Variants in MINAR1 observed in about 807,000 individuals in gnomAD.
MINAR1 encodes membrane integral NOTCH2 associated receptor 1, also known as major intrinsically disordered Notch2-binding receptor 1.
MINAR1 carries 40 observed loss-of-function variants against 65.1 expected under a neutral mutation model. That is an observed-to-expected ratio of 0.61 (90% confidence interval 0.48 to 0.80). The LOEUF is 0.80. Among genes scored for constraint, MINAR1 ranks in the 30% least tolerant of loss-of-function variants. The pLI is 0.00. For synonymous variants in MINAR1, 482 were observed against 449.1 expected, an observed-to-expected ratio of 1.07 and a Z score of -0.93; for missense variants, 1,128 against 1,148.0, an observed-to-expected ratio of 0.98 and a Z score of 0.25.
chr15:79,464,632 G>GTC (rs1895772700), intron 3 of MINAR1, among the ~76,000 whole-genome samples: 9 of 152,200 alleles, frequency 5.9e-5, no homozygotes, highest in Admixed American at 5.9e-4. Flanking sequence ...AAAAGAAAAT[G>GTC]ATTGCAATGA....
At chr15:79,456,069 T>C (rs1895399987) in intron 1 of MINAR1, 29 bp from the exon 2 acceptor site, 1 of 1,420,104 alleles carries the variant, frequency 7.0e-7, no homozygotes, top group Admixed American at 2.0e-5. Flanking sequence ...CCTCTTTTCC[T>C]CCTCTCTTTC....
the MINAR1 span, chr15:79,411,879 T>C: frequency 4.9e-6 from 1 of 204,818 alleles, no homozygotes; most frequent in South Asian, 9.8e-5. Context: ...TGGCAGACTT[T>C]AACCCTAGGG....
At chr15:79,431,256 C>T (rs748469106), upstream of MINAR1, among the ~76,000 whole-genome samples, 23 of 152,168 alleles carry the variant, frequency 1.5e-4, no homozygotes, top group Admixed American at 1.2e-3. Flanking sequence ...CTATGATTCC[C>T]TCCCTCACCC....
At chr15:79,465,357 C>T (rs2141306012) in intron 3 of MINAR1, among the ~76,000 whole-genome samples, 1 of 152,258 alleles carries the variant, frequency 6.6e-6, no homozygotes, top group Non-Finnish European at 1.5e-5. Context: ...TTGAGATATA[C>T]ATTCACCATC....
chr15:79,463,442 C>A (rs1895726255), intron 3 of MINAR1, 121 bp downstream of exon 3: 3 of 1,144,432 alleles, frequency 2.6e-6, no homozygotes, highest in Non-Finnish European at 3.7e-6. Context: ...CTCCCTGGGC[C>A]CCCAACATGG....
At position 79,468,493 on chromosome 15, in the gene MINAR1, G is replaced by T; in HGVS notation, c.*109G>T. ...TTTGTTGAAATGGAGATGAAATCATGGAGGCATTTCTACAAATGTTGAATG... is the reference window on the plus strand; with the variant it reads ...TTTGTTGAAATGGAGATGAAATCATTGAGGCATTTCTACAAATGTTGAATG... On this transcript the variant is annotated 3_prime_UTR_variant, in exon 4 of 4. Transcript: ENST00000305428. 2 of 986,572 alleles carry T rather than the reference G, an allele frequency of 2.0e-6. No homozygotes were observed. The allele number at this position is 986,572 out of a possible 1,614,324, so 61.1% of individuals were successfully genotyped here.
the MINAR1 span, chr15:79,413,168 C>G: frequency 6.6e-6 from 1 of 152,354 alleles, no homozygotes; most frequent in Non-Finnish European, 1.5e-5. Context: ...AGAGTACCTT[C>G]TTTCTCCAAA....
In MINAR1 at chr15:79,442,942, C is replaced by T. The variant is rs550188710; in HGVS notation, c.-51+10402C>T. Among the ~76,000 whole-genome samples, 83 of 152,160 alleles carry T rather than the reference C, an allele frequency of 5.5e-4. 1 individual carries two copies. Among genetic ancestry groups the T allele is most frequent in the South Asian group, 1.0e-3 (5 of 4,790 alleles). ...GAAAAGAATATGATATAGTTCAAGTCCCACCTGCCACTTGTTTTGTTTTAA... is the reference window on the plus strand; with the variant it reads ...GAAAAGAATATGATATAGTTCAAGTTCCACCTGCCACTTGTTTTGTTTTAA... On this transcript the variant is annotated intron_variant, in intron 1 of 3. Transcript: ENST00000305428.
Position 79,458,434 on chromosome 15 carries a change from A to G in MINAR1, c.2287A>G (p.Lys763Glu). 1 of 1,610,230 alleles carries G rather than the reference A, an allele frequency of 6.2e-7. No homozygotes were observed. The highest frequency in any genetic ancestry group is 8.5e-7 in the Non-Finnish European group (1 of 1,177,790). The part of the protein sequence containing the change: ...GPGDNKDWHR[K>E]SKEADRQYDI... ...AGGAGATAATAAAGACTGGCATCGG[A>G]AATCTAAAGAGGTAATTTAAATTTA... The change falls in exon 2 of 4, where the codon AAA becomes GAA. Residue 763 changes from lysine to glutamate, a missense_variant. By Grantham distance (56) the Lys-to-Glu change is moderately conservative. Coordinates refer to ENST00000305428, the MANE Select transcript of MINAR1 (RefSeq NM_015206.3).
At chr15:79,434,950 A>G (rs1032971085) in intron 1 of MINAR1, among the ~76,000 whole-genome samples, 4 of 152,174 alleles carry the variant, frequency 2.6e-5, no homozygotes, top group Non-Finnish European at 5.9e-5. Context: ...TTCTCTCTCG[A>G]AGAGTAGAAC....
At chr15:79,419,886 A>G in the MINAR1 span, 1 of 152,208 alleles carries the variant, frequency 6.6e-6, no homozygotes, top group Non-Finnish European at 1.5e-5. Flanking sequence ...AGAAGAAGAG[A>G]ATAGAAAGAA....
At chr15:79,427,468 T>C (rs1595921834), upstream of MINAR1, 1 of 152,198 alleles carries the variant, frequency 6.6e-6, no homozygotes, top group Non-Finnish European at 1.5e-5. Flanking sequence ...ATTTTTATGA[T>C]TGGCAATCTG....
chr15:79,447,726 A>G (rs928150749), intron 1 of MINAR1, among the ~76,000 whole-genome samples: 11 of 152,106 alleles, frequency 7.2e-5, no homozygotes, highest in African/African-American at 2.7e-4. Flanking sequence ...GAGTTCTTGC[A>G]CACCGTGACA....
intron 1 of MINAR1, among the ~76,000 whole-genome samples, chr15:79,443,309 G>A (rs1398440567): frequency 6.6e-6 from 1 of 152,192 alleles, no homozygotes; most frequent in African/African-American, 2.4e-5. Context: ...TAGAATCTGT[G>A]CCTGGTCCCT....
upstream of MINAR1, among the ~76,000 whole-genome samples, chr15:79,428,744 A>G (rs1302229702): frequency 1.3e-5 from 2 of 152,172 alleles, no homozygotes; most frequent in African/African-American, 4.8e-5. Context: ...TGGAGACAAA[A>G]TCTTTATATA....
In MINAR1 at chr15:79,456,963, C is replaced by T. The variant is rs1895444054; in HGVS notation, c.816C>T (p.Pro272=). ...TTCACAATTTGATGGCAGTGTCCCC[C>T]AGTTTGGTTGGCCCCATCAGCAAAG... is the stretch of plus-strand genomic sequence containing the variant. ...EDFHNLMAVS[P]SLVGPISKAE... is the part of the protein sequence containing the mutation. Residue 272 remains proline, a synonymous_variant, in exon 2 of 4, where the codon CCC becomes CCT. Coordinates refer to ENST00000305428, the MANE Select transcript of MINAR1 (RefSeq NM_015206.3). 1.2e-6 allele frequency: 2 copies of T among 1,614,154 alleles called. No homozygotes were observed. Among genetic ancestry groups the T allele is most frequent in the African/African-American group, 1.3e-5 (1 of 75,048 alleles).
At chr15:79,432,041 TGGA>T (rs1047263408), upstream of MINAR1, among the ~76,000 whole-genome samples, 6 of 150,370 alleles carry the variant, frequency 4.0e-5, no homozygotes, top group Non-Finnish European at 7.4e-5. Context: ...CGGGCGGCGG[TGGA>T]GAAGCCCAGC....
chr15:79,440,680 C>T (rs1264160391), intron 1 of MINAR1, among the ~76,000 whole-genome samples: 1 of 152,194 alleles, frequency 6.6e-6, no homozygotes, highest in Non-Finnish European at 1.5e-5. Context: ...CCCCACCACC[C>T]AGGCAGGCAC....
At chr15:79,448,458 C>A (rs1176624010) in intron 1 of MINAR1, among the ~76,000 whole-genome samples, 2 of 152,164 alleles carry the variant, frequency 1.3e-5, no homozygotes, top group Non-Finnish European at 2.9e-5. Context: ...AAATTGATAG[C>A]TTCCTTTTAT....
Sources: allele counts gnomAD v4.1 joint callset (sites outside exome capture counted in the v4.1 genomes callset), GRCh38; gene constraint gnomAD v4.1.1; transcripts MANE v1.5; gene names NCBI Gene and HGNC (gene_info 2026-07-23, HGNC 2026-07-21).